The following LIMCH1 variants were observed in gnomAD, a reference collection of about 807,000 sequenced individuals.
LIMCH1 encodes the protein LIM and calponin homology domains 1, also known as LIM and calponin homology domains-containing protein 1.
Under a neutral mutation model 176.5 loss-of-function variants are expected in LIMCH1, and 113 were observed. That is an observed-to-expected ratio of 0.64 (90% confidence interval 0.55 to 0.75). LIMCH1 has a LOEUF of 0.75. LIMCH1 is among the 30% of genes least tolerant of loss of function. The probability of loss-of-function intolerance (pLI) is 0.00; values close to 1 mark genes in which losing one functional copy is unlikely to be tolerated. For synonymous variants in LIMCH1, 619 were observed against 645.9 expected, an observed-to-expected ratio of 0.96 and a Z score of 0.63; for missense variants, 1,674 against 1,814.9, an observed-to-expected ratio of 0.92 and a Z score of 1.41.
chr4:41,521,329 G>A (rs1279153977), intron 2 of LIMCH1, among the ~76,000 whole-genome samples: 1 of 151,970 alleles, frequency 6.6e-6, no homozygotes, highest in Non-Finnish European at 1.5e-5. Context: ...CTACAAAAAT[G>A]GTGGGACACA....
upstream of LIMCH1, among the ~76,000 whole-genome samples, chr4:41,535,689 G>T (rs1030720788): frequency 6.6e-6 from 1 of 152,122 alleles, no homozygotes; most frequent in Non-Finnish European, 1.5e-5. Flanking sequence ...GTAACAGTGG[G>T]TTAGCCAGCT....
intron 1 of LIMCH1, among the ~76,000 whole-genome samples, chr4:41,439,478 G>A (rs370776526): frequency 6.6e-6 from 1 of 152,088 alleles, no homozygotes; most frequent in Non-Finnish European, 1.5e-5. Context: ...TCCCAGCTCA[G>A]GAAGCTGAAG....
At chr4:41,602,124 C>CAAAA (rs540240960) in intron 2 of LIMCH1, among the ~76,000 whole-genome samples, 6 of 73,298 alleles carry the variant, frequency 8.2e-5, no homozygotes, top group Non-Finnish European at 1.1e-4. Flanking sequence ...TTGAGTAGAC[C>CAAAA]AAAAAAAAAA....
intron 1 of LIMCH1, among the ~76,000 whole-genome samples, chr4:41,417,248 A>G (rs1315621816): frequency 6.6e-6 from 1 of 152,114 alleles, no homozygotes; most frequent in African/African-American, 2.4e-5. Context: ...CTCCGGGTGA[A>G]AACAGCCTGT....
intron 2 of LIMCH1, among the ~76,000 whole-genome samples, chr4:41,518,153 C>CT (rs2075772945): frequency 6.6e-6 from 1 of 152,080 alleles, no homozygotes; most frequent in Admixed American, 6.6e-5. Flanking sequence ...AAGCTCAATC[C>CT]TTTTTAAATT....
chr4:41,565,636 C>T (rs2082666346), intron 1 of LIMCH1, among the ~76,000 whole-genome samples: 1 of 151,938 alleles, frequency 6.6e-6, no homozygotes, highest in South Asian at 2.1e-4. Flanking sequence ...TACTTCTTAC[C>T]ACAAGTATGC....
chr4:41,507,057 G>C (rs2086901537), intron 2 of LIMCH1, among the ~76,000 whole-genome samples: 1 of 152,180 alleles, frequency 6.6e-6, no homozygotes. Flanking sequence ...ATGGCTCACA[G>C]AACTCCGGGG....
chr4:41,421,777 T>C (rs2060627019), intron 1 of LIMCH1, among the ~76,000 whole-genome samples: 1 of 152,146 alleles, frequency 6.6e-6, no homozygotes, highest in Non-Finnish European at 1.5e-5. Context: ...GAATTAGCAA[T>C]TCAGATATCA....
chr4:41,385,111 T>C (rs1345247296), intron 1 of LIMCH1, among the ~76,000 whole-genome samples: 1 of 152,248 alleles, frequency 6.6e-6, no homozygotes, highest in Non-Finnish European at 1.5e-5. Context: ...AGTTGTACTC[T>C]GAACCAGTGG....
At chr4:41,587,866 A>G (rs1432544415) in intron 1 of LIMCH1, among the ~76,000 whole-genome samples, 1 of 152,200 alleles carries the variant, frequency 6.6e-6, no homozygotes, top group Admixed American at 6.5e-5. Flanking sequence ...TGCTCCCATT[A>G]TTGAAAAAAC....
At chr4:41,446,345 C>A (rs7700214) in intron 1 of LIMCH1, among the ~76,000 whole-genome samples, 1 of 151,974 alleles carries the variant, frequency 6.6e-6, no homozygotes, top group South Asian at 2.1e-4. Flanking sequence ...TATTAGTGTC[C>A]GACAAAAGTG....
chr4:41,663,173 G>GTGTGTGTGTGTGTGTGTGT (rs1560284669), intron 20 of LIMCH1, among the ~76,000 whole-genome samples, 189 bp downstream of exon 20: 1 of 148,048 alleles, frequency 6.8e-6, no homozygotes. Context: ...GTGTGTGTGT[G>GTGTGTGTGTGTGTGTGTGT]ATGGAGTTTT....
intron 31 of LIMCH1, chr4:41,692,738 A>T (rs1032202935): frequency 1.5e-5 from 3 of 195,204 alleles, no homozygotes; most frequent in Non-Finnish European, 2.1e-5. Context: ...CCATTTGGGG[A>T]TGGTTAAATG....
intron 1 of LIMCH1, among the ~76,000 whole-genome samples, chr4:41,407,403 A>AT (rs1032783583): frequency 3.3e-5 from 5 of 152,002 alleles, no homozygotes; most frequent in Non-Finnish European, 7.4e-5. Flanking sequence ...TAATTTTTAA[A>AT]TTTTTTTGTA....
chr4:41,424,109 A>C (rs559490712), intron 1 of LIMCH1, among the ~76,000 whole-genome samples: 13 of 151,958 alleles, frequency 8.6e-5, no homozygotes, highest in African/African-American at 3.1e-4. Flanking sequence ...TCTTTTTACC[A>C]TGCGTACTAG....
intron 1 of LIMCH1, among the ~76,000 whole-genome samples, chr4:41,580,413 A>C (rs1247694145): frequency 6.6e-6 from 1 of 152,234 alleles, no homozygotes; most frequent in African/African-American, 2.4e-5. Flanking sequence ...ATTATGAAAC[A>C]CACTCACTGA....
chr4:41,399,441 G>A (rs1399381899), intron 1 of LIMCH1, among the ~76,000 whole-genome samples: 2 of 152,178 alleles, frequency 1.3e-5, no homozygotes, highest in Non-Finnish European at 2.9e-5. Context: ...GTTAAAATAA[G>A]TGAAGACAGT....
chr4:41,474,730 G>A (rs1052245381), intron 1 of LIMCH1, among the ~76,000 whole-genome samples: 2 of 152,154 alleles, frequency 1.3e-5, no homozygotes, highest in African/African-American at 4.8e-5. Context: ...TGGTGGTATT[G>A]TAAATTAGTA....
chr4:41,475,892 A>G (rs2067663749), intron 1 of LIMCH1, among the ~76,000 whole-genome samples: 1 of 152,256 alleles, frequency 6.6e-6, no homozygotes, highest in African/African-American at 2.4e-5. Context: ...ATACAAAAAA[A>G]GACATTAAAA....
Sources: allele counts gnomAD v4.1 joint callset (sites outside exome capture counted in the v4.1 genomes callset), GRCh38; gene constraint gnomAD v4.1.1; transcripts MANE v1.5; gene names NCBI Gene and HGNC (gene_info 2026-07-23, HGNC 2026-07-21).